Variants in NR2F1-AS1 observed in about 807,000 individuals in gnomAD.
NR2F1-AS1 encodes NR2F1 antisense RNA 1.
At chr5:93,535,571 A>G (rs1350863934) in intron 4 of NR2F1-AS1, among the ~76,000 whole-genome samples, 1 of 152,062 alleles carries the variant, frequency 6.6e-6, no homozygotes, top group African/African-American at 2.4e-5. Context: ...ACTATAGCCC[A>G]ATATCCCTCA....
At chr5:93,511,926 T>A (rs1325872804) in intron 4 of NR2F1-AS1, among the ~76,000 whole-genome samples, 4 of 152,172 alleles carry the variant, frequency 2.6e-5, no homozygotes, top group African/African-American at 9.7e-5. Flanking sequence ...TCTTCCACGT[T>A]TAGGTCCCTG....
intron 1 of NR2F1-AS1, chr5:93,570,903 A>C (rs565752785): frequency 3.9e-5 from 6 of 152,260 alleles, no homozygotes; most frequent in Admixed American, 6.5e-5. Context: ...TCGCTAGTCC[A>C]GGGAAAGGGG....
intron 4 of NR2F1-AS1, among the ~76,000 whole-genome samples, chr5:93,460,535 A>G (rs1750066022): frequency 6.6e-6 from 1 of 152,168 alleles, no homozygotes. Flanking sequence ...ATGAAGGACA[A>G]CATTTCTACA....
chr5:93,581,975 C>CCT (rs755899269), upstream of NR2F1-AS1, among the ~76,000 whole-genome samples: 17 of 102,294 alleles, frequency 1.7e-4, no homozygotes, highest in Non-Finnish European at 2.3e-4. Context: ...CTCTCTCTCT[C>CCT]CTCTCTCTCT....
intron 4 of NR2F1-AS1, among the ~76,000 whole-genome samples, chr5:93,491,535 T>C (rs1461019190): frequency 6.6e-6 from 1 of 152,110 alleles, no homozygotes. Flanking sequence ...TAGAAAAACA[T>C]TATTCTGGGT....
At chr5:93,418,181 G>T (rs1350563600) in intron 4 of NR2F1-AS1, among the ~76,000 whole-genome samples, 2 of 152,078 alleles carry the variant, frequency 1.3e-5, no homozygotes, top group Non-Finnish European at 2.9e-5. Context: ...ACTCTCAATA[G>T]GTCACCTACT....
At chr5:93,553,112 A>T (rs77382023) in intron 4 of NR2F1-AS1, among the ~76,000 whole-genome samples, 3,215 of 150,830 alleles carry the variant, frequency 0.021, 105 homozygotes, top group African/African-American at 0.074. Flanking sequence ...AAATTTCCTG[A>T]TATCAGTAAT....
chr5:93,582,770 A>AAG (rs1491587870), upstream of NR2F1-AS1, among the ~76,000 whole-genome samples: 2 of 11,018 alleles, frequency 1.8e-4, no homozygotes, highest in Admixed American at 1.2e-3. Context: ...GTGTGAGCGT[A>AAG]AGTGTGTGTG....
intron 4 of NR2F1-AS1, among the ~76,000 whole-genome samples, chr5:93,469,519 A>C (rs1164037251): frequency 6.6e-6 from 1 of 152,082 alleles, no homozygotes; most frequent in African/African-American, 2.4e-5. Flanking sequence ...AACCAACTAA[A>C]GCTCAGTAAA....
At chr5:93,583,759 G>A (rs1224808146), upstream of NR2F1-AS1, 1 of 152,044 alleles carries the variant, frequency 6.6e-6, no homozygotes, top group Non-Finnish European at 1.5e-5. Context: ...AAAAGAAGAG[G>A]ATTATTTATT....
At chr5:93,535,470 AAAACAGTGTT>A (rs976236929) in intron 4 of NR2F1-AS1, among the ~76,000 whole-genome samples, 1 of 152,020 alleles carries the variant, frequency 6.6e-6, no homozygotes, top group Admixed American at 6.5e-5. Flanking sequence ...ATGAAACTTT[AAAACAGTGTT>A]AACATGTTGA....
chr5:93,485,363 C>T (rs249259), intron 4 of NR2F1-AS1, among the ~76,000 whole-genome samples: 1 of 152,044 alleles, frequency 6.6e-6, no homozygotes. Flanking sequence ...AATGACTATT[C>T]GGTAAATAAC....
At chr5:93,550,651 A>G (rs1752205339) in intron 4 of NR2F1-AS1, among the ~76,000 whole-genome samples, 1 of 152,206 alleles carries the variant, frequency 6.6e-6, no homozygotes, top group South Asian at 2.1e-4. Context: ...AAATAACATC[A>G]TCACTGTGGA....
At chr5:93,540,711 AAAG>A (rs893628357) in intron 4 of NR2F1-AS1, among the ~76,000 whole-genome samples, 4 of 152,208 alleles carry the variant, frequency 2.6e-5, no homozygotes, top group African/African-American at 7.2e-5. Flanking sequence ...AAGCCAAGAT[AAAG>A]AAGAATTTTT....
At chr5:93,444,505 C>A (rs1354957177) in intron 4 of NR2F1-AS1, among the ~76,000 whole-genome samples, 1 of 152,110 alleles carries the variant, frequency 6.6e-6, no homozygotes, top group Non-Finnish European at 1.5e-5. Context: ...GCTAACTATC[C>A]TAAATATATA....
chr5:93,443,432 T>A (rs1376829419), intron 4 of NR2F1-AS1, among the ~76,000 whole-genome samples: 1 of 151,816 alleles, frequency 6.6e-6, no homozygotes, highest in African/African-American at 2.4e-5. Context: ...TTCGTTCAAG[T>A]GGAAGAAAGG....
chr5:93,533,313 A>G (rs781146461), intron 4 of NR2F1-AS1, among the ~76,000 whole-genome samples: 1 of 152,168 alleles, frequency 6.6e-6, no homozygotes, highest in Non-Finnish European at 1.5e-5. Flanking sequence ...TTATTATTCA[A>G]TGGATTTATT....
intron 4 of NR2F1-AS1, among the ~76,000 whole-genome samples, chr5:93,426,571 T>G (rs541467956): frequency 6.6e-6 from 1 of 152,224 alleles, no homozygotes; most frequent in Admixed American, 6.5e-5. Flanking sequence ...TGCATATCTC[T>G]GCACTACTTT....
chr5:93,572,250 C>T (rs1176473574), intron 1 of NR2F1-AS1, among the ~76,000 whole-genome samples: 2 of 152,336 alleles, frequency 1.3e-5, no homozygotes, highest in South Asian at 2.1e-4. Flanking sequence ...GGCGCTGGGG[C>T]CTGAGGTTGT....
Sources: allele counts gnomAD v4.1 joint callset (sites outside exome capture counted in the v4.1 genomes callset), GRCh38; gene constraint gnomAD v4.1.1; transcripts MANE v1.5; gene names NCBI Gene and HGNC (gene_info 2026-07-23, HGNC 2026-07-21).